TMEM156: variants seen among roughly 807,000 people sequenced by gnomAD.
The protein encoded by TMEM156 is transmembrane protein 156.
TMEM156 carries 28 observed loss-of-function variants against 30.5 expected under a neutral mutation model. That is an observed-to-expected ratio of 0.92 (90% CI 0.68 to 1.26). The LOEUF (loss-of-function observed/expected upper bound fraction) is 1.26. Ranked by LOEUF, TMEM156 falls within the 50% of genes most tolerant of loss-of-function variation. TMEM156 has a pLI of 0.00. For synonymous variants in TMEM156, 137 were observed against 119.9 expected (o/e 1.14, Z -0.93); for missense variants, 351 against 340.6 (o/e 1.03, Z -0.24).
chr4:38,973,600 T>C (rs1722708303), intron 5 of TMEM156, among the ~76,000 whole-genome samples: 1 of 152,196 alleles, frequency 6.6e-6, no homozygotes, highest in Non-Finnish European at 1.5e-5. Context: ...GGAATTGTCT[T>C]AGGTTTTCCA....
intron 5 of TMEM156, among the ~76,000 whole-genome samples, chr4:38,984,568 A>C (rs1473539465): frequency 6.6e-6 from 1 of 151,900 alleles, no homozygotes; most frequent in Non-Finnish European, 1.5e-5. Flanking sequence ...TTTCCCGTAC[A>C]TTCTCACTGC....
intron 6 of TMEM156, among the ~76,000 whole-genome samples, chr4:38,969,086 A>G (rs553386330): frequency 8.9e-4 from 136 of 152,358 alleles, no homozygotes; most frequent in African/African-American, 3.1e-3. Flanking sequence ...TACTTAGGAT[A>G]TCTGTCGCCC....
chr4:39,004,047 G>A (rs146431507), intron 1 of TMEM156, among the ~76,000 whole-genome samples: 17 of 152,270 alleles, frequency 1.1e-4, no homozygotes, highest in African/African-American at 4.1e-4. Context: ...TCCTTCCCCA[G>A]TATAATTTTA....
At chr4:38,983,758 T>C (rs983066614) in intron 5 of TMEM156, among the ~76,000 whole-genome samples, 9 of 152,216 alleles carry the variant, frequency 5.9e-5, no homozygotes, top group African/African-American at 1.9e-4. Context: ...ATGTTTTTTA[T>C]GATTCTTTGA....
intron 3 of TMEM156, among the ~76,000 whole-genome samples, chr4:38,990,530 A>C (rs557104469): frequency 6.6e-6 from 1 of 152,278 alleles, no homozygotes; most frequent in East Asian, 1.9e-4. Flanking sequence ...ATATTGCAAT[A>C]ACACAAGACA....
At chr4:39,023,616 G>T (rs572896479) in intron 1 of TMEM156, among the ~76,000 whole-genome samples, 3 of 152,150 alleles carry the variant, frequency 2.0e-5, no homozygotes, top group African/African-American at 7.2e-5. Flanking sequence ...GCCAAGGTGG[G>T]CGAATCACTT....
intron 6 of TMEM156, among the ~76,000 whole-genome samples, chr4:38,969,160 C>G (rs1359644607): frequency 6.6e-6 from 1 of 152,126 alleles, no homozygotes; most frequent in East Asian, 1.9e-4. Context: ...TCAATGTATT[C>G]CTTCTATCTG....
At chr4:38,991,045 G>C (rs1390934383) in intron 3 of TMEM156, among the ~76,000 whole-genome samples, 1 of 151,268 alleles carries the variant, frequency 6.6e-6, no homozygotes, top group Non-Finnish European at 1.5e-5. Flanking sequence ...ATGTTAGTCA[G>C]GCTGGTCTCG....
chr4:38,994,392 C>T (rs775501862), intron 2 of TMEM156, among the ~76,000 whole-genome samples: 3 of 152,140 alleles, frequency 2.0e-5, no homozygotes, highest in Non-Finnish European at 2.9e-5. Context: ...TCCTGAATTG[C>T]TGGGATTACA....
intron 1 of TMEM156, among the ~76,000 whole-genome samples, chr4:39,019,867 G>A (rs551614020): frequency 2.0e-4 from 30 of 152,150 alleles, no homozygotes; most frequent in African/African-American, 4.1e-4. Context: ...ATTAGCTATA[G>A]TCAATATGCC....
At chr4:38,996,393 T>C (rs1256679295) in intron 2 of TMEM156, among the ~76,000 whole-genome samples, 8 of 146,820 alleles carry the variant, frequency 5.4e-5, no homozygotes, top group Non-Finnish European at 1.0e-4. Flanking sequence ...AAACCCCGTC[T>C]CTACTAAAAA....
intron 1 of TMEM156, among the ~76,000 whole-genome samples, chr4:39,011,607 C>G (rs1470427644): frequency 6.6e-6 from 1 of 152,062 alleles, no homozygotes; most frequent in Non-Finnish European, 1.5e-5. Flanking sequence ...AACCCCATCT[C>G]TACTAAAAAT....
chr4:38,984,355 G>GTGTC (rs1449710913), intron 5 of TMEM156, among the ~76,000 whole-genome samples: 2 of 118,494 alleles, frequency 1.7e-5, no homozygotes, highest in Non-Finnish European at 3.4e-5. Flanking sequence ...CTCTCTGTGT[G>GTGTC]TGTGTGTGTG....
At chr4:38,976,888 CTTTTGT>C (rs1201492989) in intron 5 of TMEM156, among the ~76,000 whole-genome samples, 1 of 99,984 alleles carries the variant, frequency 1.0e-5, no homozygotes, top group South Asian at 4.3e-4. Context: ...TGACATTGTT[CTTTTGT>C]TGTTGTTGTT....
At chr4:38,974,009 AAAC>A (rs894755499) in intron 5 of TMEM156, among the ~76,000 whole-genome samples, 4 of 151,936 alleles carry the variant, frequency 2.6e-5, no homozygotes, top group African/African-American at 9.7e-5. Flanking sequence ...TTCTAATGCT[AAAC>A]TGTCCTATAA....
chr4:38,976,241 A>G (rs750872267), intron 5 of TMEM156, among the ~76,000 whole-genome samples: 1 of 150,110 alleles, frequency 6.7e-6, no homozygotes, highest in Non-Finnish European at 1.5e-5. Context: ...CAGTGAGCCA[A>G]GATCATGCCA....
chr4:39,016,751 A>G (rs990157639), intron 1 of TMEM156, among the ~76,000 whole-genome samples: 12 of 152,216 alleles, frequency 7.9e-5, no homozygotes, highest in Non-Finnish European at 1.0e-4. Context: ...TCAGAGAAGT[A>G]TATTAAAGAT....
intron 1 of TMEM156, among the ~76,000 whole-genome samples, chr4:39,011,803 G>T (rs1274814208): frequency 6.6e-6 from 1 of 151,762 alleles, no homozygotes; most frequent in East Asian, 1.9e-4. Flanking sequence ...AAGAAAATAT[G>T]GTACGTATAC....
chr4:38,992,884 C>A (rs1364002857), intron 3 of TMEM156, among the ~76,000 whole-genome samples: 2 of 150,330 alleles, frequency 1.3e-5, no homozygotes, highest in Non-Finnish European at 3.0e-5. Context: ...GCCTCAGCCT[C>A]ACAAGTACCT....
Sources: allele counts gnomAD v4.1 joint callset (sites outside exome capture counted in the v4.1 genomes callset), GRCh38; gene constraint gnomAD v4.1.1; transcripts MANE v1.5; gene names NCBI Gene and HGNC (gene_info 2026-07-23, HGNC 2026-07-21).